OXR1: variants seen among roughly 807,000 people sequenced by gnomAD.
The protein encoded by OXR1 is oxidation resistance 1, also known as oxidation resistance protein 1.
In OXR1, 41 loss-of-function variants were observed where a neutral mutation model predicts 104.6. The observed-to-expected ratio is 0.39, with a 90% CI of 0.31 to 0.51. The LOEUF (loss-of-function observed/expected upper bound fraction) is 0.51, where lower values mean the gene tolerates loss of function less well. Among genes scored for constraint, OXR1 ranks in the 20% least tolerant of loss-of-function variants. OXR1 has a pLI of 0.77. For missense variants in OXR1, 955 were observed against 1,031.9 expected (o/e 0.93, Z 1.02); for synonymous variants, 348 against 348.4 (o/e 1.00, Z 0.01).
intron 4 of OXR1, among the ~76,000 whole-genome samples, chr8:106,680,456 G>C (rs1563698540): frequency 6.6e-6 from 1 of 151,984 alleles, no homozygotes; most frequent in Admixed American, 6.6e-5. Flanking sequence ...AAAATTCTTG[G>C]TAATTATCTT....
chr8:106,602,264 T>C (rs1399750889), intron 3 of OXR1, among the ~76,000 whole-genome samples: 2 of 152,184 alleles, frequency 1.3e-5, no homozygotes, highest in Non-Finnish European at 2.9e-5. Flanking sequence ...AGCAAACTCA[T>C]ACAAAGGGAA....
chr8:106,369,342 T>TG (rs1458166409), intron 2 of OXR1, among the ~76,000 whole-genome samples: 5 of 152,246 alleles, frequency 3.3e-5, no homozygotes, highest in African/African-American at 1.2e-4. Context: ...TCCCATACTG[T>TG]GGGTTACCTG....
intron 2 of OXR1, among the ~76,000 whole-genome samples, chr8:106,516,128 C>T (rs573536707): frequency 6.6e-6 from 1 of 152,216 alleles, no homozygotes; most frequent in South Asian, 2.1e-4. Flanking sequence ...GCTCCACTAA[C>T]ATCACATACA....
intron 3 of OXR1, among the ~76,000 whole-genome samples, chr8:106,623,570 T>C (rs1252692303): frequency 6.6e-6 from 1 of 152,002 alleles, no homozygotes; most frequent in African/African-American, 2.4e-5. Flanking sequence ...AACAGAAGTC[T>C]TGTGACAGCT....
At chr8:106,400,983 A>T (rs1487121085) in intron 2 of OXR1, among the ~76,000 whole-genome samples, 2 of 152,238 alleles carry the variant, frequency 1.3e-5, no homozygotes, top group Non-Finnish European at 2.9e-5. Context: ...AAGAAAATGG[A>T]GAATTAAAGA....
At chr8:106,454,396 A>T (rs1250739030) in intron 2 of OXR1, among the ~76,000 whole-genome samples, 3 of 150,960 alleles carry the variant, frequency 2.0e-5, no homozygotes, top group Non-Finnish European at 1.5e-5. Context: ...GGGAAGGGGA[A>T]GTTGCAGTGA....
chr8:106,385,534 G>C (rs915583878), intron 2 of OXR1, among the ~76,000 whole-genome samples: 1 of 152,250 alleles, frequency 6.6e-6, no homozygotes, highest in Admixed American at 6.5e-5. Flanking sequence ...GTGACAGGCA[G>C]TGTTCCAAGT....
At chr8:106,668,724 A>G (rs892488636) in intron 3 of OXR1, among the ~76,000 whole-genome samples, 1 of 152,190 alleles carries the variant, frequency 6.6e-6, no homozygotes, top group African/African-American at 2.4e-5. Context: ...TATCACCATG[A>G]CTAATTTAGA....
At chr8:106,657,903 G>A in intron 3 of OXR1, 1 of 1,246,392 alleles carries the variant, frequency 8.0e-7, no homozygotes, top group Non-Finnish European at 1.0e-6. Context: ...GGTCTGATGG[G>A]CCGGTGGGCG....
chr8:106,301,746 TCTC>T (rs1307010823), intron 1 of OXR1, among the ~76,000 whole-genome samples: 3 of 152,320 alleles, frequency 2.0e-5, no homozygotes, highest in Admixed American at 6.5e-5. Flanking sequence ...ATAATGGTAT[TCTC>T]CTCAGAAAGC....
At chr8:106,582,248 T>A in intron 3 of OXR1, among the ~76,000 whole-genome samples, 1 of 141,744 alleles carries the variant, frequency 7.1e-6, no homozygotes, top group Non-Finnish European at 1.5e-5. Context: ...TGATCAAAAT[T>A]CAAAATCCAG....
chr8:106,533,319 AATG>A (rs1319581257), intron 3 of OXR1, among the ~76,000 whole-genome samples: 1 of 152,252 alleles, frequency 6.6e-6, no homozygotes, highest in Non-Finnish European at 1.5e-5. Context: ...TAGGAAAACA[AATG>A]AAACTATGTC....
At chr8:106,422,902 T>C (rs1462248397) in intron 2 of OXR1, among the ~76,000 whole-genome samples, 1 of 152,168 alleles carries the variant, frequency 6.6e-6, no homozygotes, top group Non-Finnish European at 1.5e-5. Context: ...AAGAGGTAAA[T>C]GGTCTGAATA....
At chr8:106,640,294 G>C (rs1393347615) in intron 3 of OXR1, among the ~76,000 whole-genome samples, 1 of 150,810 alleles carries the variant, frequency 6.6e-6, no homozygotes, top group Non-Finnish European at 1.5e-5. Context: ...ATATACATTT[G>C]TATATACGTA....
chr8:106,541,741 A>G (rs1249240279), intron 3 of OXR1, among the ~76,000 whole-genome samples: 1 of 152,184 alleles, frequency 6.6e-6, no homozygotes, highest in African/African-American at 2.4e-5. Context: ...TGAGGGTTGG[A>G]GAAGCAGGGA....
chr8:106,283,976 T>C lies in OXR1; in HGVS notation c.-139+13609T>C, dbSNP rs1263870739. Among the ~76,000 whole-genome samples, 4 of 148,996 alleles carry C rather than the reference T, an allele frequency of 2.7e-5. No individual in the cohort carries two copies. The East Asian group carries it at 7.8e-4, about 29-fold the overall frequency. On this transcript the variant is annotated intron_variant, in intron 1 of 16. Transcript: ENST00000517566. ...ACAGCAGTTTTAGGTTGCATGAAACTTTTTTTTTTAACCCTTTGACCAGCC... is the reference window on the plus strand; with the variant it reads ...ACAGCAGTTTTAGGTTGCATGAAACCTTTTTTTTTAACCCTTTGACCAGCC...
At chr8:106,554,391 A>G (rs1485256549) in intron 3 of OXR1, among the ~76,000 whole-genome samples, 1 of 152,202 alleles carries the variant, frequency 6.6e-6, no homozygotes, top group Non-Finnish European at 1.5e-5. Flanking sequence ...ATTTTATGTT[A>G]TATAAATTTC....
At chr8:106,451,107 A>G (rs997747359) in intron 2 of OXR1, among the ~76,000 whole-genome samples, 3 of 152,146 alleles carry the variant, frequency 2.0e-5, no homozygotes, top group African/African-American at 7.2e-5. Context: ...TCTAATGTCT[A>G]AATGAAATTG....
intron 2 of OXR1, among the ~76,000 whole-genome samples, chr8:106,512,221 A>G (rs1172734997): frequency 6.6e-6 from 1 of 152,214 alleles, no homozygotes; most frequent in Non-Finnish European, 1.5e-5. Context: ...TAAATGCCAC[A>G]TTATGGATTC....
Sources: gnomAD v4.1 joint callset for allele counts (sites outside exome capture counted in the v4.1 genomes callset) on GRCh38, gnomAD v4.1.1 for gene constraint, MANE v1.5 for transcripts, NCBI Gene and HGNC (gene_info 2026-07-23, HGNC 2026-07-21) for gene names.